The following SPINT1 variants were observed in gnomAD, a reference collection of about 807,000 sequenced individuals.
The protein encoded by SPINT1 is kunitz-type protease inhibitor 1.
A neutral mutation model predicts 53.7 loss-of-function variants in SPINT1; 38 were observed. That is an observed-to-expected ratio of 0.71 (90% CI 0.55 to 0.93). The LOEUF is 0.93. Ranked by LOEUF, SPINT1 falls within the 40% of genes least tolerant of loss-of-function variation. SPINT1 has a pLI of 0.00. For missense variants in SPINT1, 645 were observed against 692.9 expected (o/e 0.93, Z 0.78); for synonymous variants, 283 against 280.6 (o/e 1.01, Z -0.08).
intron 2 of SPINT1, among the ~76,000 whole-genome samples, chr15:40,849,205 C>T (rs1443126807): frequency 6.6e-6 from 1 of 151,378 alleles, no homozygotes; most frequent in Non-Finnish European, 1.5e-5. Context: ...AAGATCACGC[C>T]ACTGCCCTCC....
chr15:40,844,451 C>CAGG lies in SPINT1; in HGVS notation c.-65-38_-65-36dup. The CAGG allele has an allele frequency of 8.5e-7, 1 of 1,178,668 alleles. No individual in the cohort carries two copies. The highest frequency in any genetic ancestry group is 1.2e-5 in the South Asian group (1 of 81,366). 73.0% of individuals were successfully genotyped at this position (1,178,668 alleles called of 1,614,324 possible). A position where few individuals can be genotyped will look rare whatever the true frequency, so the allele number is the denominator to read the frequency against. On this transcript the variant is annotated intron_variant, in intron 1 of 10. Transcript: ENST00000562057. The surrounding 1 kb of genome is among the most constrained non-coding windows in gnomAD (Gnocchi z 5.8). ...CTCCTCCAAAGTCTCCCGGGCTGAT[C>CAGG]AGGTGTGTCTCCTCCTCTGTCCCCT... is the stretch of plus-strand genomic sequence containing the variant.
In SPINT1 at chr15:40,853,927, A is replaced by G. The variant is rs1440265846; in HGVS notation, c.913+46A>G. ...TCTGGGGCTCAGGCGACTTTCCCCC[A>G]GGGTGAGTGGTCTCTCTCTTCTGTG... On this transcript the variant is annotated intron_variant, in intron 5 of 10. Transcript: ENST00000562057. 1.9e-6 allele frequency: 3 copies of G among 1,613,930 alleles called. No homozygotes were observed. The African/African-American group carries it at 4.0e-5, about 22-fold the overall frequency.
chr15:40,853,915 C>A (rs145193299), intron 5 of SPINT1, 34 bp downstream of exon 5: 5 of 1,614,036 alleles, frequency 3.1e-6, no homozygotes, highest in Non-Finnish European at 4.2e-6. Context: ...GGGGCTCAGG[C>A]GACTTTCCCC....
At chr15:40,846,039 G>A (rs1891286091) in intron 2 of SPINT1, among the ~76,000 whole-genome samples, 1 of 152,214 alleles carries the variant, frequency 6.6e-6, no homozygotes, top group Non-Finnish European at 1.5e-5. Context: ...GAGGAGGGTT[G>A]TGGGGTGAGT....
intron 2 of SPINT1, among the ~76,000 whole-genome samples, chr15:40,851,614 C>T (rs1413239872): frequency 6.6e-6 from 1 of 152,218 alleles, no homozygotes; most frequent in East Asian, 1.9e-4. Context: ...TTGTTTAGTC[C>T]ACGTGTTGCT....
At position 40,856,981 on chromosome 15, in the gene SPINT1, G is replaced by C. The variant is rs1408530144; in HGVS notation, c.*6G>C. ...ACACCACGCGGCCCCTCTGAGCCTG[G>C]GTCTCACCGGCTCTCACCTGGCCCT... On this transcript the variant is annotated 3_prime_UTR_variant, in exon 11 of 11. Transcript: ENST00000562057. 6.2e-7 allele frequency: 1 copy of C among 1,613,592 alleles called. No homozygotes were observed.
intron 2 of SPINT1, among the ~76,000 whole-genome samples, chr15:40,851,186 G>A (rs1271438144): frequency 6.7e-6 from 1 of 148,658 alleles, no homozygotes; most frequent in Non-Finnish European, 1.5e-5. Context: ...ACGGAGTCTT[G>A]CTCTGTTGCC....
In SPINT1 at chr15:40,856,964, C is replaced by T. The variant is rs751802448; in HGVS notation, c.1531C>T (p.Arg511Trp). Reference sequence around the variant, plus strand: ...GCACCTGGTCTATAACCACACCACGCGGCCCCTCTGAGCCTGGGTCTCACC... The same window carrying T: ...GCACCTGGTCTATAACCACACCACGTGGCCCCTCTGAGCCTGGGTCTCACC... The part of the protein sequence containing the change: ...TEHLVYNHTT[R>W]PL The change falls in exon 11 of 11, where the codon CGG (arginine) becomes TGG (tryptophan). Residue 511 changes from arginine (R) to tryptophan (W), a missense_variant. Arg to Trp is a moderately radical substitution (Grantham distance 101). Transcript: ENST00000562057. 10 of 1,614,074 alleles carry T rather than the reference C, an allele frequency of 6.2e-6. No homozygotes were observed. Among genetic ancestry groups the T allele is most frequent in the East Asian group, 2.2e-5 (1 of 44,888 alleles).
rs918770640 is a variant in SPINT1 at position 40,855,953 on chromosome 15, C to T, written c.1179C>T (p.Tyr393=). 3.1e-6 allele frequency: 5 copies of T among 1,614,260 alleles called. No individual in the cohort carries two copies. The highest frequency in any genetic ancestry group is 4.2e-6 in the Non-Finnish European group (5 of 1,180,040). The change falls in exon 9 of 11, where the codon TAC becomes TAT. Residue 393 remains tyrosine (Y), a synonymous_variant. Transcript: ENST00000562057. ...AGGAGAGCATCCCGCGCTGGTACTACAACCCCTTCAGCGAACACTGCGCCC... is the reference window on the plus strand; with the variant it reads ...AGGAGAGCATCCCGCGCTGGTACTATAACCCCTTCAGCGAACACTGCGCCC... ...LCKESIPRWY[Y]NPFSEHCARF...
chr15:40,854,219 C>A, intron 6 of SPINT1, 133 bp downstream of exon 6: 1 of 1,355,746 alleles, frequency 7.4e-7, no homozygotes, highest in Non-Finnish European at 1.0e-6. Context: ...CACAAACATC[C>A]CACCCCTTCC....
chr15:40,844,719 C>A lies in SPINT1; in HGVS notation c.165C>A (p.Thr55=). 6.2e-7 allele frequency: 1 copy of A among 1,608,984 alleles called. No homozygotes were observed. The highest frequency in any genetic ancestry group is 8.5e-7 in the Non-Finnish European group (1 of 1,177,206). The change falls in exon 2 of 11, where the codon ACC becomes ACA. Residue 55 remains threonine, a synonymous_variant. Coordinates refer to ENST00000562057, the MANE Select transcript of SPINT1 (RefSeq NM_003710.4). The surrounding 1 kb of genome is among the most constrained non-coding windows in gnomAD (Gnocchi z 5.8). ...PAGADCLNSF[T]AGVPGFVLDT... Reference sequence around the variant, plus strand: ...GAGCCGACTGCCTGAACAGCTTTACCGCCGGGGTGCCTGGCTTCGTGCTGG... The same window carrying A: ...GAGCCGACTGCCTGAACAGCTTTACAGCCGGGGTGCCTGGCTTCGTGCTGG...
intron 3 of SPINT1, 113 bp downstream of exon 3, chr15:40,853,364 C>T (rs903831676): frequency 5.0e-6 from 8 of 1,598,524 alleles, no homozygotes; most frequent in Non-Finnish European, 6.8e-6. Context: ...TGGAGAGAGG[C>T]TGAAGATGCA....
chr15:40,855,827 A>C, intron 8 of SPINT1, 65 bp from the exon 9 acceptor site: 1 of 1,543,720 alleles, frequency 6.5e-7, no homozygotes, highest in Non-Finnish European at 8.8e-7. Context: ...AGCCACGTGG[A>C]GCCTAGCAGA....
chr15:40,856,632 A>T (rs536520007), intron 10 of SPINT1, 138 bp from the exon 11 acceptor site: 1 of 1,479,758 alleles, frequency 6.8e-7, no homozygotes, highest in East Asian at 2.3e-5. Flanking sequence ...AGCTGTTCAT[A>T]TGTGGGAGGT....
At chr15:40,848,774 C>G (rs889384079) in intron 2 of SPINT1, among the ~76,000 whole-genome samples, 2 of 152,142 alleles carry the variant, frequency 1.3e-5, no homozygotes, top group African/African-American at 4.8e-5. Context: ...AGATGAAGAA[C>G]TCAAATGCTT....
At chr15:40,853,305 G>A in intron 3 of SPINT1, 54 bp downstream of exon 3, 1 of 1,611,716 alleles carries the variant, frequency 6.2e-7, no homozygotes, top group South Asian at 1.1e-5. Flanking sequence ...CCTTCTTGGA[G>A]CCCCTTTCTG....
chr15:40,856,122 C>T, intron 9 of SPINT1, 60 bp downstream of exon 9: 3 of 1,602,840 alleles, frequency 1.9e-6, no homozygotes, highest in South Asian at 2.2e-5. Flanking sequence ...GTGGCCTCCA[C>T]TCTGTCCCCA....
intron 10 of SPINT1, 114 bp downstream of exon 10, chr15:40,856,437 T>C: frequency 1.5e-6 from 2 of 1,351,378 alleles, no homozygotes; most frequent in Non-Finnish European, 2.1e-6. Context: ...AGGTGGCCTA[T>C]AGAGACAGAG....
At position 40,853,640 on chromosome 15, in the gene SPINT1, T is replaced by C; in HGVS notation, c.742+13T>C. ...AAGCAGACAGAAGGTGAGGGAGGGGTGAGGAGCAGCACCTGGAGCCCCCGC... is the reference window on the plus strand; with the variant it reads ...AAGCAGACAGAAGGTGAGGGAGGGGCGAGGAGCAGCACCTGGAGCCCCCGC... On this transcript the variant is annotated intron_variant, in intron 4 of 10. Transcript: ENST00000562057. The C allele has an allele frequency of 1.2e-6, 2 of 1,613,284 alleles. No homozygotes were observed. The highest frequency in any genetic ancestry group is 8.5e-7 in the Non-Finnish European group (1 of 1,179,800).
Sources: allele counts gnomAD v4.1 joint callset (sites outside exome capture counted in the v4.1 genomes callset), GRCh38; gene constraint gnomAD v4.1.1; non-coding constraint Gnocchi (gnomAD v3.1); transcripts MANE v1.5; gene names NCBI Gene and HGNC (gene_info 2026-07-23, HGNC 2026-07-21).